The following SRCAP variants were observed in gnomAD, a reference collection of about 807,000 sequenced individuals.
The protein encoded by SRCAP is chromatin remodeling protein SRCAP.
SRCAP carries 46 observed loss-of-function variants against 263.1 expected under a neutral mutation model. The ratio of observed to expected loss-of-function variants is 0.17; its 90% CI spans 0.14 to 0.22. SRCAP has a LOEUF of 0.22. Among genes scored for constraint, SRCAP ranks in the 10% least tolerant of loss-of-function variants. The probability of loss-of-function intolerance (pLI) is 1.00; values close to 1 mark genes in which losing one functional copy is unlikely to be tolerated. For missense variants in SRCAP, 3,695 were observed against 4,181.9 expected (o/e 0.88, Z 3.21); for synonymous variants, 1,813 against 1,662.1 (o/e 1.09, Z -2.21).
chr16:30,709,824 C>G, intron 7 of SRCAP, 27 bp from the exon 8 acceptor site: 1 of 1,613,448 alleles, frequency 6.2e-7, no homozygotes, highest in South Asian at 1.1e-5. Context: ...GGCCCGTGGA[C>G]TTTGTGACCT....
At chr16:30,713,763 CTGAG>C in intron 16 of SRCAP, 52 bp downstream of exon 16, 1 of 1,565,144 alleles carries the variant, frequency 6.4e-7, no homozygotes, top group Non-Finnish European at 8.7e-7. Context: ...GGAACCATTC[CTGAG>C]CACCTGGGCA....
intron 6 of SRCAP, among the ~76,000 whole-genome samples, chr16:30,708,998 A>T (rs921207923): frequency 6.6e-6 from 1 of 151,740 alleles, no homozygotes; most frequent in East Asian, 2.0e-4. Flanking sequence ...TTTTATTTTT[A>T]GTAGAGATGG....
At chr16:30,701,132 G>A (rs544424956) in intron 3 of SRCAP, among the ~76,000 whole-genome samples, 10 of 152,232 alleles carry the variant, frequency 6.6e-5, no homozygotes, top group African/African-American at 1.4e-4. Flanking sequence ...AATGGAGGTC[G>A]TGGCACCATG....
intron 27 of SRCAP, among the ~76,000 whole-genome samples, chr16:30,731,695 C>A (rs535499481): frequency 1.3e-5 from 2 of 151,966 alleles, no homozygotes; most frequent in South Asian, 4.2e-4. Context: ...AACCCTGTCT[C>A]CTCAAAAACT....
At position 30,721,438 on chromosome 16, in the gene SRCAP, G is replaced by A. The variant is rs200884488; in HGVS notation, c.3503G>A (p.Arg1168His). Residue 1168 changes from arginine to histidine, a missense_variant, in exon 21 of 34, where the codon CGC becomes CAC. Physicochemically the swap from Arg to His is conservative, Grantham distance 29. Coordinates refer to ENST00000262518, the MANE Select transcript of SRCAP (RefSeq NM_006662.3). The stretch of plus-strand genomic sequence containing the variant: ...CCAGCTCCGACTCCTGCACCACAGC[G>A]CCTCATTCTATCTCCCGATATGCAG... ...AVPAPTPAPQ[R>H]LILSPDMQAR... The A allele has an allele frequency of 3.7e-6, 6 of 1,612,572 alleles. No individual in the cohort carries two copies. In the East Asian group the frequency reaches 6.7e-5, roughly 18 times the overall value.
chr16:30,713,746 A>T lies in SRCAP; in HGVS notation c.2493+35A>T, dbSNP rs1468595143. ...GCAACAGTTTGTCAGGGTATTGGGAATGGTAAGGAACCATTCCTGAGCACC... is the reference window on the plus strand; with the variant it reads ...GCAACAGTTTGTCAGGGTATTGGGATTGGTAAGGAACCATTCCTGAGCACC... On this transcript the variant is annotated intron_variant, in intron 16 of 33. Coordinates refer to ENST00000262518, the MANE Select transcript of SRCAP (RefSeq NM_006662.3). The T allele has an allele frequency of 1.9e-6, 3 of 1,602,968 alleles. No individual in the cohort carries two copies. The Admixed American group carries it at 5.0e-5, about 27-fold the overall frequency.
intron 4 of SRCAP, among the ~76,000 whole-genome samples, chr16:30,705,010 C>G (rs766354297): frequency 3.3e-5 from 5 of 152,074 alleles, no homozygotes; most frequent in Non-Finnish European, 7.4e-5. Context: ...AGTAGAAACA[C>G]AAATTCTTTG....
chr16:30,730,498 C>T (rs2053103507), intron 27 of SRCAP, among the ~76,000 whole-genome samples: 1 of 152,058 alleles, frequency 6.6e-6, no homozygotes, highest in Non-Finnish European at 1.5e-5. Flanking sequence ...GTGGCTCGAT[C>T]TCGGCTCACT....
At chr16:30,702,838 AT>A (rs2052783518) in intron 3 of SRCAP, among the ~76,000 whole-genome samples, 1 of 151,110 alleles carries the variant, frequency 6.6e-6, no homozygotes, top group African/African-American at 2.4e-5. Context: ...ACTCCTGACC[AT>A]GTGATCCGCC....
At position 30,709,415 on chromosome 16, in the gene SRCAP, C is replaced by T; in HGVS notation, c.634-98C>T. On this transcript the variant is annotated intron_variant, in intron 6 of 33. Transcript: ENST00000262518. ...TAGTTTTACTTTCCTAAGAGGCCAGCCCAGGATCTGGTTAAAGAAGGTCTC... is the reference window on the plus strand; with the variant it reads ...TAGTTTTACTTTCCTAAGAGGCCAGTCCAGGATCTGGTTAAAGAAGGTCTC... 3.0e-6 allele frequency: 4 copies of T among 1,313,612 alleles called. No homozygotes were observed. In the South Asian group the frequency reaches 4.9e-5, roughly 16 times the overall value. 81.4% of individuals were successfully genotyped at this position (1,313,612 alleles called of 1,614,324 possible).
chr16:30,710,855 C>T lies in SRCAP; in HGVS notation c.1228+8C>T, dbSNP rs778361707. On this transcript the variant is annotated splice_region_variant and intron_variant, in intron 9 of 33. Transcript: ENST00000262518. ...CTGCCAACGAAGAGGAAGGTCAGGG[C>T]TGTTCGGTTTGTCCTATTGCCCCTT... 1.9e-6 allele frequency: 3 copies of T among 1,614,058 alleles called. No individual in the cohort carries two copies. Among genetic ancestry groups the T allele is most frequent in the Non-Finnish European group, 2.5e-6 (3 of 1,179,926 alleles).
intron 22 of SRCAP, 27 bp downstream of exon 22, chr16:30,722,313 C>T: frequency 6.2e-7 from 1 of 1,601,980 alleles, no homozygotes; most frequent in South Asian, 1.1e-5. Flanking sequence ...CCCTGTCCTG[C>T]CTTTTTCCTC....
Position 30,711,744 on chromosome 16 carries a change from G to A in SRCAP, c.1492G>A (p.Asp498Asn). ...PPQEDSSSQS[D>N]SVEDRSEDEE... is the part of the protein sequence containing the mutation. Reference sequence around the variant, plus strand: ...TCAGGAGGATAGTAGCAGTCAGTCAGGTGAATATGTGGTCATGAAGCAGGA... The same window carrying A: ...TCAGGAGGATAGTAGCAGTCAGTCAAGTGAATATGTGGTCATGAAGCAGGA... Residue 498 changes from aspartate to asparagine, a missense_variant and splice_region_variant, in exon 11 of 34, where the codon GAC becomes AAC. Physicochemically the swap from Asp to Asn is conservative, Grantham distance 23 (BLOSUM62 1). This residue lies in a region of SRCAP where 288 missense variants were observed against 302.4 expected (regional missense o/e 0.95). Coordinates refer to ENST00000262518, the MANE Select transcript of SRCAP (RefSeq NM_006662.3). 1 of 1,612,196 alleles carries A rather than the reference G, an allele frequency of 6.2e-7. No homozygotes were observed. The highest frequency in any genetic ancestry group is 1.1e-5 in the South Asian group (1 of 90,964).
In SRCAP at chr16:30,723,846, C is replaced by G. The variant is rs1270726230; in HGVS notation, c.4422C>G (p.Thr1474=). 1 of 1,614,102 alleles carries G rather than the reference C, an allele frequency of 6.2e-7. No individual in the cohort carries two copies. The highest frequency in any genetic ancestry group is 1.7e-5 in the Admixed American group (1 of 60,006). ...TVSASGPALL[T]SVTPPLAPVV... is the part of the protein sequence containing the mutation. Reference sequence around the variant, plus strand: ...CTGCTTCGGGCCCAGCTCTGTTGACCAGTGTGACTCCACCATTGGCACCTG... The same window carrying G: ...CTGCTTCGGGCCCAGCTCTGTTGACGAGTGTGACTCCACCATTGGCACCTG... Residue 1474 remains threonine, a synonymous_variant, in exon 25 of 34, where the codon ACC becomes ACG. Coordinates refer to ENST00000262518, the MANE Select transcript of SRCAP (RefSeq NM_006662.3).
Position 30,736,593 on chromosome 16 carries a change from A to C in SRCAP, c.6977A>C (p.Glu2326Ala). ...AMKFLEASLE[E>A]VSREELKQAE... ...AAATTCCTGGAGGCCTCACTGGAGG[A>C]GGTGAGCCGAGAGGAGCTCAAACAG... The change falls in exon 33 of 34, where the codon GAG becomes GCG. Residue 2326 changes from glutamate (E) to alanine (A), a missense_variant. Glu to Ala is a moderately radical substitution (Grantham distance 107). Around this residue, in one of 12 missense-constraint regions of SRCAP, gnomAD observed 91 missense variants for 150.6 expected, o/e 0.60. Coordinates refer to ENST00000262518, the MANE Select transcript of SRCAP (RefSeq NM_006662.3). The C allele has an allele frequency of 1.2e-6, 2 of 1,614,148 alleles. No homozygotes were observed. Among genetic ancestry groups the C allele is most frequent in the Non-Finnish European group, 1.7e-6 (2 of 1,180,000 alleles).
intron 14 of SRCAP, 62 bp downstream of exon 14, chr16:30,712,877 C>T (rs549066969): frequency 2.5e-6 from 4 of 1,569,572 alleles, no homozygotes; most frequent in Admixed American, 3.9e-5. Context: ...TAAGCCCTTT[C>T]CTCAGGTGAA....
chr16:30,707,280 G>T lies in SRCAP; in HGVS notation c.404G>T (p.Gly135Val). 6.2e-7 allele frequency: 1 copy of T among 1,614,180 alleles called. No individual in the cohort carries two copies. Among genetic ancestry groups the T allele is most frequent in the East Asian group, 2.2e-5 (1 of 44,888 alleles). The change falls in exon 5 of 34, where the codon GGT (glycine) becomes GTT (valine). Residue 135 changes from glycine (G) to valine (V), a missense_variant. Gly to Val is a moderately radical substitution (Grantham distance 109). Around this residue, in one of 12 missense-constraint regions of SRCAP, gnomAD observed 107 missense variants for 223.8 expected, o/e 0.48. Coordinates refer to ENST00000262518, the MANE Select transcript of SRCAP (RefSeq NM_006662.3). ...GTGCCAGAGCCCCCTCGCCCCAAAG[G>T]TCACTGGGACTATTTGTGCGAAGAG... is the stretch of plus-strand genomic sequence containing the variant. ...PKVPEPPRPK[G>V]HWDYLCEEMQ...
In SRCAP at chr16:30,707,569, C is replaced by T. The variant is rs1205745923; in HGVS notation, c.493-3C>T. 6.2e-7 allele frequency: 1 copy of T among 1,612,604 alleles called. No individual in the cohort carries two copies. Among genetic ancestry groups the T allele is most frequent in the Non-Finnish European group, 8.5e-7 (1 of 1,179,382 alleles). ...TTTTCACCCTGGGTCTTCATTCCCA[C>T]AGGTGGTGCGCATGGTGATCCGGCA... On this transcript the variant is annotated splice_polypyrimidine_tract_variant and splice_region_variant and intron_variant, in intron 5 of 33. Coordinates refer to ENST00000262518, the MANE Select transcript of SRCAP (RefSeq NM_006662.3).
Position 30,722,473 on chromosome 16 carries a change from C to T in SRCAP, c.3707-90C>T, listed in dbSNP as rs2053020229. The T allele has an allele frequency of 5.2e-6, 8 of 1,535,924 alleles. No individual in the cohort carries two copies. In the South Asian group the frequency reaches 7.2e-5, roughly 14 times the overall value. On this transcript the variant is annotated intron_variant, in intron 22 of 33. Coordinates refer to ENST00000262518, the MANE Select transcript of SRCAP (RefSeq NM_006662.3). ...GGTCATTCTAGAGAATGTATTCCCT[C>T]TCTGTTCTTTTCTTCTCTTCTTGCC...
Sources: gnomAD v4.1 joint callset for allele counts (sites outside exome capture counted in the v4.1 genomes callset) on GRCh38, gnomAD v4.1.1 for gene constraint, gnomAD v4.1.1 regional missense constraint, MANE v1.5 for transcripts, NCBI Gene and HGNC (gene_info 2026-07-23, HGNC 2026-07-21) for gene names.